Variants in ZNF438 observed in about 807,000 individuals in gnomAD.
ZNF438 encodes zinc finger protein 438.
ZNF438 carries 25 observed loss-of-function variants against 38.0 expected under a neutral mutation model. The ratio of observed to expected loss-of-function variants is 0.66; its 90% CI spans 0.48 to 0.92. The LOEUF is 0.92. ZNF438 is among the 40% of genes least tolerant of loss of function. The pLI, the probability that ZNF438 is intolerant of heterozygous loss-of-function variation, is 0.00. For synonymous variants in ZNF438, 372 were observed against 364.1 expected (o/e 1.02, Z -0.25); for missense variants, 1,007 against 999.6 (o/e 1.01, Z -0.10).
At chr10:30,873,910 C>A (rs1045411488) in intron 4 of ZNF438, among the ~76,000 whole-genome samples, 2 of 151,830 alleles carry the variant, frequency 1.3e-5, no homozygotes, top group African/African-American at 4.8e-5. Context: ...GCATATAATA[C>A]GTGTGTATGT....
At chr10:30,848,274 G>A (rs1282493930) in intron 5 of ZNF438, among the ~76,000 whole-genome samples, 1 of 152,054 alleles carries the variant, frequency 6.6e-6, no homozygotes, top group African/African-American at 2.4e-5. Flanking sequence ...TGATTTTGGG[G>A]GAAATTACTT....
At chr10:30,939,521 C>G (rs9416942) in intron 2 of ZNF438, among the ~76,000 whole-genome samples, 19,292 of 152,226 alleles carry the variant, frequency 0.13, 1,610 homozygotes, top group Middle Eastern at 0.24. Flanking sequence ...AAAAACAACC[C>G]ACCCATGTGA....
intron 2 of ZNF438, among the ~76,000 whole-genome samples, chr10:30,911,618 G>A (rs1392851318): frequency 2.0e-5 from 3 of 152,060 alleles, no homozygotes; most frequent in Non-Finnish European, 4.4e-5. Context: ...CAACTGCTCA[G>A]AAAACGATGT....
At chr10:30,866,074 T>G (rs1173320646) in intron 4 of ZNF438, among the ~76,000 whole-genome samples, 12 of 152,220 alleles carry the variant, frequency 7.9e-5, no homozygotes, top group Admixed American at 7.2e-4. Flanking sequence ...TATTCTTCAC[T>G]GTGGTACTCT....
intron 1 of ZNF438, among the ~76,000 whole-genome samples, chr10:31,030,380 C>T (rs1247364700): frequency 6.6e-6 from 1 of 152,210 alleles, no homozygotes; most frequent in Non-Finnish European, 1.5e-5. Context: ...AGGCTGTCTT[C>T]TTTGCTGCTC....
At chr10:30,873,248 A>G (rs1248826543) in intron 4 of ZNF438, among the ~76,000 whole-genome samples, 1 of 152,210 alleles carries the variant, frequency 6.6e-6, no homozygotes, top group African/African-American at 2.4e-5. Context: ...AAGTCTCATG[A>G]ACATCTCAAA....
At chr10:30,926,791 C>G (rs2044989786) in intron 2 of ZNF438, among the ~76,000 whole-genome samples, 1 of 152,066 alleles carries the variant, frequency 6.6e-6, no homozygotes, top group South Asian at 2.1e-4. Context: ...ATTTGGGGAG[C>G]TCCTAGGATT....
chr10:30,971,437 A>G (rs975709952), intron 1 of ZNF438, among the ~76,000 whole-genome samples: 4 of 152,336 alleles, frequency 2.6e-5, no homozygotes, highest in Non-Finnish European at 4.4e-5. Context: ...AAATATTTAG[A>G]AGACAATTTG....
At chr10:30,973,780 C>G (rs1008105461) in intron 1 of ZNF438, among the ~76,000 whole-genome samples, 29 of 152,154 alleles carry the variant, frequency 1.9e-4, no homozygotes, top group Admixed American at 1.2e-3. Flanking sequence ...AGAACAAAGT[C>G]TTTCTTCAAA....
intron 1 of ZNF438, among the ~76,000 whole-genome samples, chr10:30,966,684 A>AG (rs2050161132): frequency 6.6e-6 from 1 of 150,718 alleles, no homozygotes; most frequent in South Asian, 2.1e-4. Flanking sequence ...AAAAAAAAAA[A>AG]GAAAGAAAGG....
intron 2 of ZNF438, among the ~76,000 whole-genome samples, chr10:30,932,741 T>C (rs2045832330): frequency 6.6e-6 from 1 of 152,216 alleles, no homozygotes; most frequent in South Asian, 2.1e-4. Context: ...TATGACCTTA[T>C]TTGGAAATAG....
At chr10:30,968,497 G>T (rs894938675) in intron 1 of ZNF438, among the ~76,000 whole-genome samples, 1 of 139,648 alleles carries the variant, frequency 7.2e-6, no homozygotes, top group Non-Finnish European at 1.5e-5. Context: ...AGGCTGGAGT[G>T]CAATGGTGTG....
chr10:30,869,071 A>G (rs1027527662), intron 4 of ZNF438, among the ~76,000 whole-genome samples: 4 of 152,232 alleles, frequency 2.6e-5, no homozygotes, highest in African/African-American at 9.6e-5. Flanking sequence ...TTTTTCAGGC[A>G]ACAGAAATAC....
chr10:30,853,024 G>A (rs1279100494), intron 4 of ZNF438, among the ~76,000 whole-genome samples: 2 of 151,864 alleles, frequency 1.3e-5, no homozygotes, highest in East Asian at 3.9e-4. Context: ...TTTAAATCAG[G>A]ATTGAGAGAC....
intron 3 of ZNF438, among the ~76,000 whole-genome samples, chr10:30,889,510 A>G (rs1369891440): frequency 4.6e-5 from 7 of 151,936 alleles, no homozygotes; most frequent in African/African-American, 1.5e-4. Context: ...AATTCAAGTG[A>G]TTCTCCTGTC....
chr10:30,893,554 C>A (rs536320191), intron 3 of ZNF438, among the ~76,000 whole-genome samples: 14 of 152,198 alleles, frequency 9.2e-5, no homozygotes, highest in East Asian at 3.9e-4. Context: ...GAAAAAGTAG[C>A]CTTTTAAAAT....
intron 1 of ZNF438, among the ~76,000 whole-genome samples, chr10:31,020,456 G>A (rs1465536456): frequency 1.3e-5 from 2 of 152,152 alleles, no homozygotes; most frequent in Non-Finnish European, 2.9e-5. Flanking sequence ...TTGGATATAC[G>A]TTGTTGAACT....
At chr10:30,857,700 A>G in intron 4 of ZNF438, 1 of 1,505,116 alleles carries the variant, frequency 6.6e-7, no homozygotes. Flanking sequence ...ACTCTGAGAA[A>G]TCCAGAAAGG....
intron 3 of ZNF438, among the ~76,000 whole-genome samples, chr10:30,898,634 A>G (rs966051599): frequency 2.0e-5 from 3 of 152,008 alleles, no homozygotes; most frequent in East Asian, 1.9e-4. Context: ...AAAGGGGGGG[A>G]ACGCTTAGTT....
Sources: gnomAD v4.1 joint callset for allele counts (sites outside exome capture counted in the v4.1 genomes callset) on GRCh38, gnomAD v4.1.1 for gene constraint, MANE v1.5 for transcripts, NCBI Gene and HGNC (gene_info 2026-07-23, HGNC 2026-07-21) for gene names.